RPA3: variants seen among roughly 807,000 people sequenced by gnomAD.
RPA3 encodes replication protein A3, also known as replication protein A 14 kDa subunit.
In RPA3, 24 loss-of-function variants were observed where a neutral mutation model predicts 13.7. That is an observed-to-expected ratio of 1.75 (90% CI 1.27 to 2.46). The LOEUF (loss-of-function observed/expected upper bound fraction) is 2.46. Among genes scored for constraint, RPA3 ranks in the 30% most tolerant of loss-of-function variants. RPA3 has a pLI of 0.00. For missense variants in RPA3, 183 were observed against 151.0 expected (o/e 1.21, Z -1.11); for synonymous variants, 59 against 51.2 (o/e 1.15, Z -0.65).
At chr7:7,699,708 A>G (rs1780409815) in intron 2 of RPA3, among the ~76,000 whole-genome samples, 2 of 152,198 alleles carry the variant, frequency 1.3e-5, no homozygotes, top group African/African-American at 4.8e-5. Flanking sequence ...ATATTTTTCA[A>G]TTCCACAACT....
At chr7:7,703,609 G>T (rs1780522014) in intron 2 of RPA3, among the ~76,000 whole-genome samples, 1 of 152,138 alleles carries the variant, frequency 6.6e-6, no homozygotes, top group Non-Finnish European at 1.5e-5. Context: ...ACAACAATTT[G>T]TCCTAATCAG....
intron 4 of RPA3, among the ~76,000 whole-genome samples, chr7:7,672,395 G>A (rs1393161150): frequency 1.3e-5 from 2 of 152,044 alleles, no homozygotes; most frequent in African/African-American, 4.8e-5. Context: ...TGTGTATGAG[G>A]GATGGTCACA....
chr7:7,637,172 T>A, intron 7 of RPA3, 90 bp from the exon 8 acceptor site: 1 of 961,728 alleles, frequency 1.0e-6, no homozygotes, highest in South Asian at 1.4e-5. Flanking sequence ...ATTTCCTTTT[T>A]CTCACCCTTT....
At chr7:7,647,728 C>T (rs1027681701) in intron 4 of RPA3, among the ~76,000 whole-genome samples, 2 of 152,152 alleles carry the variant, frequency 1.3e-5, no homozygotes, top group African/African-American at 2.4e-5. Flanking sequence ...TTCTGAGTAG[C>T]TGGGACTGCA....
At chr7:7,692,296 T>A (rs1408244822) in intron 2 of RPA3, 1 of 152,190 alleles carries the variant, frequency 6.6e-6, no homozygotes, top group Non-Finnish European at 1.5e-5. Context: ...CAAAAATTGG[T>A]GCTGCTAGTA....
intron 2 of RPA3, among the ~76,000 whole-genome samples, chr7:7,697,506 A>G (rs7799716): frequency 0.018 from 2,689 of 152,308 alleles, 40 homozygotes; most frequent in Non-Finnish European, 0.027. Context: ...TTGAAATATG[A>G]TTGTGGCTTC....
intron 5 of RPA3, 44 bp from the exon 6 acceptor site, chr7:7,639,188 A>C (rs1469331004): frequency 6.7e-7 from 1 of 1,487,488 alleles, no homozygotes; most frequent in Non-Finnish European, 9.3e-7. Context: ...AAACAACAAC[A>C]AAGTTTGACT....
At chr7:7,700,053 G>C (rs912925537) in intron 2 of RPA3, among the ~76,000 whole-genome samples, 1 of 152,188 alleles carries the variant, frequency 6.6e-6, no homozygotes, top group Non-Finnish European at 1.5e-5. Flanking sequence ...CTACTTCTGT[G>C]GAGGGTGTCT....
chr7:7,686,821 G>T (rs185263121), intron 3 of RPA3, among the ~76,000 whole-genome samples: 4 of 152,316 alleles, frequency 2.6e-5, no homozygotes, highest in African/African-American at 9.6e-5. Flanking sequence ...GATATAAGAA[G>T]AAATGTTGTG....
intron 4 of RPA3, among the ~76,000 whole-genome samples, chr7:7,659,649 A>G (rs1017596387): frequency 6.6e-6 from 1 of 152,110 alleles, no homozygotes; most frequent in Non-Finnish European, 1.5e-5. Context: ...CTCTCATTTG[A>G]TTGCACTGTG....
intron 2 of RPA3, among the ~76,000 whole-genome samples, chr7:7,710,381 A>T (rs1321505528): frequency 6.6e-6 from 1 of 152,190 alleles, no homozygotes; most frequent in East Asian, 1.9e-4. Flanking sequence ...ACAAAAAAAC[A>T]TAAAACCAAA....
intron 2 of RPA3, among the ~76,000 whole-genome samples, chr7:7,697,019 T>C (rs1261866699): frequency 6.6e-6 from 1 of 152,204 alleles, no homozygotes; most frequent in East Asian, 1.9e-4. Flanking sequence ...AAGGTCTGTA[T>C]AACTTCTGTC....
intron 2 of RPA3, among the ~76,000 whole-genome samples, chr7:7,698,234 A>G (rs1055146332): frequency 6.6e-6 from 1 of 152,250 alleles, no homozygotes; most frequent in Non-Finnish European, 1.5e-5. Context: ...TTAGTAAGAT[A>G]TAGACAGGGC....
rs1784875394 is a variant in RPA3, at chr7:7,636,903, T to C, written c.*97A>G. 1 of 897,926 alleles carries C rather than the reference T, an allele frequency of 1.1e-6. No individual in the cohort carries two copies. Among genetic ancestry groups the C allele is most frequent in the Non-Finnish European group, 1.8e-6 (1 of 556,072 alleles). 55.6% of individuals were successfully genotyped at this position (897,926 alleles called of 1,614,324 possible). ...AATATCTTAAAAACAGCAAATTAAA[T>C]ATGAGAAAGCACAGAAATCTCTCCC... On this transcript the variant is annotated 3_prime_UTR_variant, in exon 8 of 8. Coordinates refer to ENST00000223129, the MANE Select transcript of RPA3 (RefSeq NM_002947.5).
intron 3 of RPA3, among the ~76,000 whole-genome samples, chr7:7,686,411 G>T (rs999637953): frequency 7.9e-5 from 12 of 151,914 alleles, no homozygotes; most frequent in Non-Finnish European, 1.5e-4. Context: ...TATGGGTTTT[G>T]TTTTTTTGTA....
chr7:7,649,511 T>C (rs1001803715), intron 4 of RPA3, among the ~76,000 whole-genome samples: 6 of 152,250 alleles, frequency 3.9e-5, no homozygotes, highest in African/African-American at 1.4e-4. Flanking sequence ...GGGGAACATA[T>C]TCAAACCACA....
At chr7:7,651,458 G>A (rs908782831) in intron 4 of RPA3, among the ~76,000 whole-genome samples, 16 of 152,122 alleles carry the variant, frequency 1.1e-4, no homozygotes, top group Non-Finnish European at 2.2e-4. Context: ...TTGAGGCTGG[G>A]GCCTTTGCCA....
At chr7:7,671,781 A>G (rs563006765) in intron 4 of RPA3, among the ~76,000 whole-genome samples, 4 of 152,070 alleles carry the variant, frequency 2.6e-5, no homozygotes, top group South Asian at 2.1e-4. Flanking sequence ...CTTGCTCTCT[A>G]TAGAGAGTGC....
At chr7:7,717,048 C>G (rs1456013594) in intron 1 of RPA3, among the ~76,000 whole-genome samples, 1 of 149,344 alleles carries the variant, frequency 6.7e-6, no homozygotes, top group African/African-American at 2.5e-5. Flanking sequence ...CTTTTTCTTT[C>G]TTTCTTTTTT....
Sources: gnomAD v4.1 joint callset for allele counts (sites outside exome capture counted in the v4.1 genomes callset) on GRCh38, gnomAD v4.1.1 for gene constraint, MANE v1.5 for transcripts, NCBI Gene and HGNC (gene_info 2026-07-23, HGNC 2026-07-21) for gene names.